TMEM182: variants seen among roughly 807,000 people sequenced by gnomAD.
The protein encoded by TMEM182 is transmembrane protein 182.
A neutral mutation model predicts 26.8 loss-of-function variants in TMEM182; 20 were observed. The observed-to-expected ratio is 0.75, with a 90% confidence interval of 0.53 to 1.09. The LOEUF is 1.09. Ranked by LOEUF, TMEM182 falls within the 50% of genes least tolerant of loss-of-function variation. The pLI is 0.00. For synonymous variants in TMEM182, 109 were observed against 102.2 expected, an observed-to-expected ratio of 1.07 and a Z score of -0.40; for missense variants, 277 against 275.5, an observed-to-expected ratio of 1.01 and a Z score of -0.04.
intron 3 of TMEM182, 146 bp downstream of exon 3, chr2:102,764,573 T>C (rs1680352496): frequency 3.4e-6 from 2 of 581,898 alleles, no homozygotes; most frequent in Non-Finnish European, 5.5e-6. Flanking sequence ...TAAAAAATGT[T>C]ATTTTTAATG....
intron 3 of TMEM182, among the ~76,000 whole-genome samples, chr2:102,792,032 ATG>A (rs1681665853): frequency 9.2e-6 from 1 of 109,090 alleles, no homozygotes; most frequent in African/African-American, 3.8e-5. Context: ...ATAATTTTAT[ATG>A]TGTGTATACA....
chr2:102,767,531 T>A (rs1680502101), intron 3 of TMEM182, among the ~76,000 whole-genome samples: 1 of 152,200 alleles, frequency 6.6e-6, no homozygotes, highest in South Asian at 2.1e-4. Flanking sequence ...CCTGAGAGAA[T>A]TAATTTTTTG....
chr2:102,794,334 A>T (rs2192691), intron 3 of TMEM182, among the ~76,000 whole-genome samples: 82,404 of 152,090 alleles, frequency 0.54, 22,920 homozygotes, highest in African/African-American at 0.66. Flanking sequence ...AACAAATATC[A>T]TTTAAAGAAA....
At chr2:102,770,975 T>C (rs1029897195) in intron 3 of TMEM182, among the ~76,000 whole-genome samples, 2 of 152,232 alleles carry the variant, frequency 1.3e-5, no homozygotes, top group Non-Finnish European at 2.9e-5. Flanking sequence ...GTTGTAGGTA[T>C]CTAATCTCAT....
rs149788076 is a variant in TMEM182, at chr2:102,770,480, C to T, written c.331+6053C>T. 3.9e-5 allele frequency among the ~76,000 whole-genome samples: 6 copies of T among 152,324 alleles called. No individual in the cohort carries two copies. In the East Asian group the frequency reaches 5.8e-4, roughly 15 times the overall value. On this transcript the variant is annotated intron_variant, in intron 3 of 4. Transcript: ENST00000412401. ...TTAGACAGGACCTGAGGACTCTGTC[C>T]TCTTTACCCTGCAATGCACTTCCTC...
intron 3 of TMEM182, among the ~76,000 whole-genome samples, chr2:102,841,464 G>A (rs1018159774): frequency 6.6e-6 from 1 of 152,112 alleles, no homozygotes; most frequent in African/African-American, 2.4e-5. Context: ...TTAAAACCGG[G>A]AGAAGAGAAG....
At chr2:102,757,992 C>T (rs1680096197), upstream of TMEM182, among the ~76,000 whole-genome samples, 1 of 152,150 alleles carries the variant, frequency 6.6e-6, no homozygotes, top group South Asian at 2.1e-4. Flanking sequence ...CCCCATAATC[C>T]AATCACCTCC....
At chr2:102,800,164 AC>A (rs1682059656) in intron 4 of TMEM182, among the ~76,000 whole-genome samples, 1 of 152,168 alleles carries the variant, frequency 6.6e-6, no homozygotes, top group Admixed American at 6.5e-5. Context: ...TCAACATACA[AC>A]CTACCATTTT....
chr2:102,830,427 T>G (rs947140919), intron 3 of TMEM182, among the ~76,000 whole-genome samples: 5 of 152,190 alleles, frequency 3.3e-5, no homozygotes, highest in Non-Finnish European at 4.4e-5. Flanking sequence ...GCTCTAATCA[T>G]GAATTTTGTG....
chr2:102,771,012 G>C (rs1680648280), intron 3 of TMEM182, among the ~76,000 whole-genome samples: 1 of 152,174 alleles, frequency 6.6e-6, no homozygotes, highest in South Asian at 2.1e-4. Context: ...CTGGCTTGCA[G>C]ATCGATTACT....
chr2:102,833,047 A>G (rs1460202152), intron 3 of TMEM182, among the ~76,000 whole-genome samples: 2 of 152,124 alleles, frequency 1.3e-5, no homozygotes, highest in African/African-American at 4.8e-5. Context: ...GGCACACTTC[A>G]TGGGAACAAT....
At chr2:102,814,383 T>C (rs535783364) in intron 4 of TMEM182, among the ~76,000 whole-genome samples, 136 of 152,192 alleles carry the variant, frequency 8.9e-4, no homozygotes, top group African/African-American at 3.2e-3. Context: ...AGTATAGTGC[T>C]CATCCCAAAC....
intron 3 of TMEM182, among the ~76,000 whole-genome samples, chr2:102,822,974 C>T (rs1682957235): frequency 1.3e-5 from 2 of 152,282 alleles, no homozygotes; most frequent in South Asian, 2.1e-4. Flanking sequence ...GTACTAGTTC[C>T]AGCATCAGGT....
At chr2:102,753,097 A>G (rs1679922472) in intron 1 of TMEM182, among the ~76,000 whole-genome samples, 1 of 152,236 alleles carries the variant, frequency 6.6e-6, no homozygotes, top group Non-Finnish European at 1.5e-5. Flanking sequence ...TCTGTATTAA[A>G]TGATTTCACT....
chr2:102,742,068 A>G (rs1312773038), intron 1 of TMEM182, among the ~76,000 whole-genome samples: 1 of 152,228 alleles, frequency 6.6e-6, no homozygotes, highest in Non-Finnish European at 1.5e-5. Context: ...GATATGACAC[A>G]GGTCTTGGAA....
intron 1 of TMEM182, among the ~76,000 whole-genome samples, chr2:102,748,413 G>A (rs1016165874): frequency 7.2e-5 from 11 of 152,160 alleles, no homozygotes; most frequent in African/African-American, 1.2e-4. Flanking sequence ...TTGATAAAGC[G>A]TATGTTTTGG....
intron 3 of TMEM182, among the ~76,000 whole-genome samples, chr2:102,832,530 C>G (rs55736729): frequency 0.02 from 3,052 of 152,232 alleles, 106 homozygotes; most frequent in African/African-American, 0.07. Context: ...TGCTCAAGTC[C>G]AGCACTTAAA....
chr2:102,791,225 CG>C (rs1415883247), intron 3 of TMEM182, among the ~76,000 whole-genome samples: 1 of 152,070 alleles, frequency 6.6e-6, no homozygotes, highest in East Asian at 1.9e-4. Flanking sequence ...CATGAGCCAC[CG>C]TGCCCAGCCT....
At position 102,776,582 on chromosome 2, in the gene TMEM182, C is replaced by T. The variant is rs146675784; in HGVS notation, c.331+12155C>T. Among the ~76,000 whole-genome samples, 32 of 152,230 alleles carry T rather than the reference C, an allele frequency of 2.1e-4. No homozygotes were observed. The East Asian group carries it at 5.4e-3, about 26-fold the overall frequency. On this transcript the variant is annotated intron_variant, in intron 3 of 4. Coordinates refer to ENST00000412401, the MANE Select transcript of TMEM182 (RefSeq NM_144632.5). ...ATCTATTGAAGCACATCTTGGTTGC[C>T]TGTAAGCTTTGGCAATTATTAATAA...
Sources: gnomAD v4.1 joint callset for allele counts (sites outside exome capture counted in the v4.1 genomes callset) on GRCh38, gnomAD v4.1.1 for gene constraint, MANE v1.5 for transcripts, NCBI Gene and HGNC (gene_info 2026-07-23, HGNC 2026-07-21) for gene names.